AKAP9: variants seen among roughly 807,000 people sequenced by gnomAD.
AKAP9 encodes the protein A-kinase anchor protein 9.
A neutral mutation model predicts 488.5 loss-of-function variants in AKAP9; 311 were observed. The observed-to-expected ratio is 0.64, with a 90% CI of 0.58 to 0.70. The LOEUF is 0.70. Ranked by LOEUF, AKAP9 falls within the 30% of genes least tolerant of loss-of-function variation. The pLI, the probability that AKAP9 is intolerant of heterozygous loss-of-function variation, is 0.00. For synonymous variants in AKAP9, 1,462 were observed against 1,483.5 expected (o/e 0.99, Z 0.33); for missense variants, 4,215 against 4,374.5 (o/e 0.96, Z 1.03).
chr7:92,084,955 A>C lies in AKAP9; in HGVS notation c.8832+15A>C. The C allele has an allele frequency of 1.2e-6, 2 of 1,611,112 alleles. No individual in the cohort carries two copies. Among genetic ancestry groups the C allele is most frequent in the Non-Finnish European group, 1.7e-6 (2 of 1,178,238 alleles). ...AGAAAATAAAGGTACTAAAAGATAG[A>C]TACCTTTTATTAACTCAGCCAGTGT... On this transcript the variant is annotated intron_variant, in intron 35 of 49. Coordinates refer to ENST00000356239, the MANE Select transcript of AKAP9 (RefSeq NM_005751.5).
chr7:91,987,613 A>G (rs1486043440), intron 3 of AKAP9, among the ~76,000 whole-genome samples: 1 of 152,182 alleles, frequency 6.6e-6, no homozygotes, highest in Non-Finnish European at 1.5e-5. Context: ...AATGTTTGAT[A>G]TGTGTCATCA....
chr7:92,053,206 AT>A (rs1554435587), intron 22 of AKAP9, among the ~76,000 whole-genome samples: 1 of 152,136 alleles, frequency 6.6e-6, no homozygotes, highest in Non-Finnish European at 1.5e-5. Context: ...GTATATTAGT[AT>A]TTAATTTTTG....
chr7:92,033,442 C>CTTTTTTTTTTTTT (rs35497475), intron 16 of AKAP9, among the ~76,000 whole-genome samples: 4 of 107,340 alleles, frequency 3.7e-5, no homozygotes, highest in Admixed American at 2.1e-4. Context: ...CTTTTCTTTT[C>CTTTTTTTTTTTTT]TTTTTTTTTT....
At chr7:92,063,965 A>G (rs371600474) in intron 24 of AKAP9, among the ~76,000 whole-genome samples, 11 of 152,078 alleles carry the variant, frequency 7.2e-5, no homozygotes, top group African/African-American at 2.2e-4. Context: ...TACTTTTAGT[A>G]GAGATGGGGT....
At position 92,099,849 on chromosome 7, in the gene AKAP9, A is replaced by G; in HGVS notation, c.10876A>G (p.Thr3626Ala). Reference protein sequence around the residue: ...LEEQIRWYRQTGAGRDNSSRF... With the variant: ...LEEQIRWYRQAGAGRDNSSRF... Reference sequence around the variant, plus strand: ...AGAGCAGATCAGGTGGTATCGACAGACAGGAGCTGGTAGAGATAATGTATG... The same window carrying G: ...AGAGCAGATCAGGTGGTATCGACAGGCAGGAGCTGGTAGAGATAATGTATG... The change falls in exon 44 of 50, where the codon ACA becomes GCA. Residue 3626 changes from threonine (T) to alanine (A), a missense_variant. Transcript: ENST00000356239. 1.2e-6 allele frequency: 2 copies of G among 1,614,062 alleles called. No individual in the cohort carries two copies. Among genetic ancestry groups the G allele is most frequent in the Non-Finnish European group, 1.7e-6 (2 of 1,179,952 alleles).
intron 3 of AKAP9, among the ~76,000 whole-genome samples, chr7:91,991,843 A>G (rs1375733370): frequency 6.6e-6 from 1 of 152,244 alleles, no homozygotes; most frequent in East Asian, 1.9e-4. Context: ...AGCCTTTCAT[A>G]GAAGAGATTT....
intron 46 of AKAP9, 99 bp from the exon 47 acceptor site, chr7:92,105,579 G>T: frequency 1.1e-6 from 1 of 884,742 alleles, no homozygotes; most frequent in Non-Finnish European, 1.9e-6. Flanking sequence ...TTTGACATTT[G>T]TTCTATGTTC....
chr7:91,966,807 G>C (rs6465341), intron 1 of AKAP9, among the ~76,000 whole-genome samples: 60,402 of 151,922 alleles, frequency 0.4, 12,288 homozygotes, highest in African/African-American at 0.45. Context: ...TTGGCTGTTT[G>C]TGATCTTTTG....
chr7:92,014,148 T>G (rs1801174087), intron 9 of AKAP9, 101 bp from the exon 10 acceptor site: 4 of 783,344 alleles, frequency 5.1e-6, no homozygotes, highest in Middle Eastern at 3.4e-4. Context: ...TTTAAAATGA[T>G]TCTTATTGCA....
At chr7:92,071,991 G>A (rs1037444638) in intron 28 of AKAP9, among the ~76,000 whole-genome samples, 1 of 151,930 alleles carries the variant, frequency 6.6e-6, no homozygotes, top group Admixed American at 6.6e-5. Context: ...TTGGAGGTGG[G>A]GAGCATTTTT....
At chr7:91,970,300 ATTAATGTTT>A (rs1314840615) in intron 1 of AKAP9, among the ~76,000 whole-genome samples, 1 of 152,146 alleles carries the variant, frequency 6.6e-6, no homozygotes, top group Non-Finnish European at 1.5e-5. Flanking sequence ...TGCTGTAGCT[ATTAATGTTT>A]TTGGTAGGTT....
intron 41 of AKAP9, 54 bp from the exon 42 acceptor site, chr7:92,097,532 T>G: frequency 6.4e-7 from 1 of 1,568,974 alleles, no homozygotes; most frequent in Non-Finnish European, 8.8e-7. Flanking sequence ...AGATAGACTG[T>G]GATATGCTGT....
chr7:92,105,965 T>C (rs1293008231), intron 47 of AKAP9, among the ~76,000 whole-genome samples: 1 of 152,244 alleles, frequency 6.6e-6, no homozygotes, highest in Non-Finnish European at 1.5e-5. Context: ...GCACAAATCC[T>C]ATTGTGAACT....
chr7:92,018,680 T>A (rs955101019), intron 12 of AKAP9, among the ~76,000 whole-genome samples: 1 of 152,190 alleles, frequency 6.6e-6, no homozygotes, highest in Non-Finnish European at 1.5e-5. Flanking sequence ...AACATTTTCT[T>A]CCCTTAGCTT....
intron 3 of AKAP9, among the ~76,000 whole-genome samples, chr7:91,990,077 A>G (rs907153989): frequency 6.6e-6 from 1 of 152,038 alleles, no homozygotes; most frequent in African/African-American, 2.4e-5. Context: ...GATAGAGTAA[A>G]TTTTTCTGTG....
chr7:92,041,851 C>T (rs1263400986), intron 18 of AKAP9, 195 bp from the exon 19 acceptor site: 1 of 544,196 alleles, frequency 1.8e-6, no homozygotes, highest in Non-Finnish European at 3.2e-6. Context: ...AATATATAGA[C>T]TTAATTGGCT....
At chr7:91,977,004 A>C (rs764740405) in intron 2 of AKAP9, among the ~76,000 whole-genome samples, 2 of 152,096 alleles carry the variant, frequency 1.3e-5, no homozygotes, top group African/African-American at 4.8e-5. Context: ...CATATCTGTA[A>C]TCCCAGCACT....
At chr7:92,080,433 C>T (rs931292394) in intron 31 of AKAP9, among the ~76,000 whole-genome samples, 4 of 151,992 alleles carry the variant, frequency 2.6e-5, no homozygotes, top group Admixed American at 2.0e-4. Context: ...CCCGTCTCTA[C>T]TAAAAATACA....
intron 28 of AKAP9, among the ~76,000 whole-genome samples, chr7:92,073,771 T>C (rs1050096650): frequency 1.3e-5 from 2 of 152,164 alleles, no homozygotes; most frequent in Non-Finnish European, 2.9e-5. Context: ...TTCAGCTACT[T>C]AGAATAGGAA....
Sources: allele counts gnomAD v4.1 joint callset (sites outside exome capture counted in the v4.1 genomes callset), GRCh38; gene constraint gnomAD v4.1.1; transcripts MANE v1.5; gene names NCBI Gene and HGNC (gene_info 2026-07-23, HGNC 2026-07-21).